TRIO: variants seen among roughly 807,000 people sequenced by gnomAD.
TRIO encodes trio Rho guanine nucleotide exchange factor, also known as triple functional domain protein.
Under a neutral mutation model 351.9 loss-of-function variants are expected in TRIO, and 58 were observed. That is an observed-to-expected ratio of 0.16 (90% confidence interval 0.13 to 0.21). The LOEUF (loss-of-function observed/expected upper bound fraction) is 0.21. Among genes scored for constraint, TRIO ranks in the 10% least tolerant of loss-of-function variants. TRIO has a pLI of 1.00. For missense variants in TRIO, 3,201 were observed against 4,027.8 expected, an observed-to-expected ratio of 0.79 and a Z score of 5.56; for synonymous variants, 1,758 against 1,595.7, an observed-to-expected ratio of 1.10 and a Z score of -2.42.
intron 48 of TRIO, among the ~76,000 whole-genome samples, chr5:14,491,428 A>G (rs1756474057): frequency 6.6e-6 from 1 of 152,202 alleles, no homozygotes; most frequent in Non-Finnish European, 1.5e-5. Flanking sequence ...GCCTTTGAGC[A>G]CAAGTTCACG....
At chr5:14,456,111 G>A (rs555546316) in intron 34 of TRIO, among the ~76,000 whole-genome samples, 1 of 152,384 alleles carries the variant, frequency 6.6e-6, no homozygotes, top group Non-Finnish European at 1.5e-5. Context: ...TGCTGGCCCA[G>A]GTGCTAAGCC....
At chr5:14,403,166 GTGGTGAGGGTGCAGGTT>G (rs1748264453) in intron 31 of TRIO, among the ~76,000 whole-genome samples, 2 of 111,596 alleles carry the variant, frequency 1.8e-5, no homozygotes, top group Non-Finnish European at 3.6e-5. Context: ...GTTGTAGGTT[GTGGTGAGGGTGCAGGTT>G]GTGGTGAGGG....
At chr5:14,175,441 TTTTTTGTTTGC>T (rs1358344440) in intron 1 of TRIO, among the ~76,000 whole-genome samples, 1 of 152,226 alleles carries the variant, frequency 6.6e-6, no homozygotes, top group East Asian at 1.9e-4. Context: ...ATAGATTCCA[TTTTTTGTTTGC>T]TTTTTGCTGC....
intron 34 of TRIO, among the ~76,000 whole-genome samples, chr5:14,455,854 C>T (rs913493176): frequency 2.6e-5 from 4 of 152,266 alleles, no homozygotes; most frequent in African/African-American, 7.2e-5. Context: ...GCACCAGGGC[C>T]ACAGGCGGAG....
In TRIO at chr5:14,197,139, A is replaced by T. The variant is rs574069746; in HGVS notation, c.157+53257A>T. Among the ~76,000 whole-genome samples the T allele has an allele frequency of 7.2e-5, 11 of 152,332 alleles. No individual in the cohort carries two copies. In the South Asian group the frequency reaches 2.3e-3, roughly 32 times the overall value. Reference sequence around the variant, plus strand: ...CAAGACATGCCTGCCAGAAGAAAAAAATCTACTTGGGCACGACTAAGTGCT... The same window carrying T: ...CAAGACATGCCTGCCAGAAGAAAAATATCTACTTGGGCACGACTAAGTGCT... On this transcript the variant is annotated intron_variant, in intron 1 of 56. Coordinates refer to ENST00000344204, the MANE Select transcript of TRIO (RefSeq NM_007118.4).
intron 46 of TRIO, among the ~76,000 whole-genome samples, 198 bp downstream of exon 46, chr5:14,482,971 A>G (rs1579787421): frequency 6.6e-6 from 1 of 152,080 alleles, no homozygotes; most frequent in South Asian, 2.1e-4. Context: ...TCTTGTACAC[A>G]CCTCTGTGTA....
intron 29 of TRIO, among the ~76,000 whole-genome samples, chr5:14,397,770 A>G (rs1044939602): frequency 3.9e-5 from 6 of 152,108 alleles, no homozygotes; most frequent in African/African-American, 1.4e-4. Context: ...GTAACACTGA[A>G]CATAGGTGCC....
intron 34 of TRIO, among the ~76,000 whole-genome samples, chr5:14,422,987 G>A (rs533948799): frequency 3.4e-4 from 52 of 152,292 alleles, no homozygotes; most frequent in African/African-American, 9.6e-4. Context: ...TTTTGTGGAC[G>A]AAGTTTGCTT....
intron 36 of TRIO, among the ~76,000 whole-genome samples, chr5:14,463,878 G>A (rs1181388317): frequency 6.6e-6 from 1 of 152,110 alleles, no homozygotes; most frequent in Non-Finnish European, 1.5e-5. Flanking sequence ...GTCAAATCAT[G>A]CACTCCTCTT....
At chr5:14,378,153 T>G (rs1745734687) in intron 20 of TRIO, 26 bp downstream of exon 20, 5 of 1,560,496 alleles carry the variant, frequency 3.2e-6, no homozygotes, top group South Asian at 2.3e-5. Context: ...GTGCCCAGCC[T>G]CCCCCTAAAC....
rs1450897777 is a variant in TRIO, at chr5:14,508,244, C to T, written c.9116C>T (p.Pro3039Leu). 5 of 1,614,060 alleles carry T rather than the reference C, an allele frequency of 3.1e-6. No homozygotes were observed. The highest frequency in any genetic ancestry group is 1.1e-5 in the South Asian group (1 of 91,086). ...CTGCAGGAGGACCCCGCCAAGCGTC[C>T]CTCGGCTGCGCTGGCCCTCCAGGAG... ...FLLQEDPAKR[P>L]SAALALQEQW... Residue 3039 changes from proline (P) to leucine (L), a missense_variant, in exon 57 of 57, where the codon CCC (proline) becomes CTC (leucine). By Grantham distance (98) the Pro-to-Leu change is moderately conservative. This residue lies in a region of TRIO where 233 missense variants were observed against 292.6 expected (regional missense o/e 0.80). Transcript: ENST00000344204.
At chr5:14,354,706 A>T (rs186265250) in intron 11 of TRIO, among the ~76,000 whole-genome samples, 1 of 152,354 alleles carries the variant, frequency 6.6e-6, no homozygotes, top group Admixed American at 6.5e-5. Context: ...CAGAGGCAGC[A>T]CCGTTGGTAG....
At chr5:14,369,601 C>A in intron 18 of TRIO, 78 bp downstream of exon 18, 1 of 1,481,360 alleles carries the variant, frequency 6.8e-7, no homozygotes, top group Non-Finnish European at 9.0e-7. Context: ...GTCATCGCTT[C>A]CCAAGGGAGC....
chr5:14,334,889 G>C (rs934106304), intron 10 of TRIO, among the ~76,000 whole-genome samples: 17 of 152,328 alleles, frequency 1.1e-4, no homozygotes, highest in African/African-American at 4.1e-4. Context: ...GGCTGACCAT[G>C]GTCACAGGAG....
chr5:14,416,294 AGT>A (rs1491145389), intron 33 of TRIO, among the ~76,000 whole-genome samples: 2 of 132,966 alleles, frequency 1.5e-5, no homozygotes, highest in Admixed American at 1.6e-4. Context: ...TACACAGAAA[AGT>A]TTTTTTTTTT....
chr5:14,192,840 CTGT>C (rs1482499161), intron 1 of TRIO, among the ~76,000 whole-genome samples: 2 of 152,220 alleles, frequency 1.3e-5, no homozygotes, highest in East Asian at 1.9e-4. Flanking sequence ...AGTGTGGTGT[CTGT>C]TAATTTTTAT....
At position 14,437,686 on chromosome 5, in the gene TRIO, A is replaced by ACCCC. The variant is rs1164194119; in HGVS notation, c.5203+17670_5203+17673dup. Among the ~76,000 whole-genome samples, 236 of 99,248 alleles carry ACCCC rather than the reference A, an allele frequency of 2.4e-3. 1 individual carries two copies. The highest frequency in any genetic ancestry group is 9.7e-3 in the African/African-American group (215 of 22,252). 65.1% of individuals were successfully genotyped at this position (99,248 alleles called of 152,430 possible). A position where few individuals can be genotyped will look rare whatever the true frequency, so the allele number is the denominator to read the frequency against. ...ACACCAGGCATATTGGATGAGGACC[A>ACCCC]CCCCCCCCGCCCCAAGGACCTCATT... On this transcript the variant is annotated intron_variant, in intron 34 of 56. Transcript: ENST00000344204.
intron 33 of TRIO, among the ~76,000 whole-genome samples, chr5:14,413,669 A>C (rs1749390104): frequency 6.6e-6 from 1 of 152,250 alleles, no homozygotes; most frequent in Non-Finnish European, 1.5e-5. Flanking sequence ...TCAGTTACCA[A>C]ATCAGAAAAA....
intron 34 of TRIO, among the ~76,000 whole-genome samples, chr5:14,429,166 C>T (rs774046414): frequency 9.2e-5 from 14 of 152,156 alleles, no homozygotes; most frequent in Non-Finnish European, 1.8e-4. Flanking sequence ...GAGTAAGTGG[C>T]GTTCCTGGAG....
Sources: allele counts gnomAD v4.1 joint callset (sites outside exome capture counted in the v4.1 genomes callset), GRCh38; gene constraint gnomAD v4.1.1; regional missense constraint gnomAD v4.1.1; transcripts MANE v1.5; gene names NCBI Gene and HGNC (gene_info 2026-07-23, HGNC 2026-07-21).